The following KCNH7 variants were observed in gnomAD, a reference collection of about 807,000 sequenced individuals.
The protein encoded by KCNH7 is voltage-gated inwardly rectifying potassium channel KCNH7.
KCNH7 carries 49 observed loss-of-function variants against 120.8 expected under a neutral mutation model. The observed-to-expected ratio is 0.41, with a 90% CI of 0.32 to 0.51. KCNH7 has a LOEUF of 0.51. KCNH7 is among the 20% of genes least tolerant of loss of function. The probability of loss-of-function intolerance (pLI) is 0.38; values close to 1 mark genes in which losing one functional copy is unlikely to be tolerated. For missense variants in KCNH7, 1,097 were observed against 1,446.6 expected (o/e 0.76, Z 3.92); for synonymous variants, 547 against 516.1 (o/e 1.06, Z -0.81).
chr2:162,546,688 A>G (rs1397556260), intron 2 of KCNH7, among the ~76,000 whole-genome samples: 1 of 152,186 alleles, frequency 6.6e-6, no homozygotes, highest in Non-Finnish European at 1.5e-5. Flanking sequence ...GCTTTGGAGC[A>G]GGGAGTTACA....
chr2:162,729,412 T>G (rs1687642422), intron 2 of KCNH7, among the ~76,000 whole-genome samples: 1 of 138,216 alleles, frequency 7.2e-6, no homozygotes. Context: ...TTTGTTTTTC[T>G]TTTTTTCTTT....
intron 2 of KCNH7, among the ~76,000 whole-genome samples, chr2:162,651,151 T>C (rs921041097): frequency 1.6e-4 from 25 of 152,220 alleles, no homozygotes; most frequent in African/African-American, 5.3e-4. Context: ...TTCTGAAATA[T>C]GGATACTATA....
intron 9 of KCNH7, among the ~76,000 whole-genome samples, chr2:162,407,843 GAGGTAC>G (rs2105458632): frequency 6.6e-6 from 1 of 152,138 alleles, no homozygotes; most frequent in South Asian, 2.1e-4. Flanking sequence ...AAGGAAAAAG[GAGGTAC>G]AGTCTACCAG....
At chr2:162,804,005 C>T (rs1684441935) in intron 2 of KCNH7, among the ~76,000 whole-genome samples, 1 of 151,742 alleles carries the variant, frequency 6.6e-6, no homozygotes, top group Admixed American at 6.6e-5. Context: ...GTATATCTGA[C>T]ACCATTAGTA....
chr2:162,645,990 T>C (rs920902514), intron 2 of KCNH7, among the ~76,000 whole-genome samples: 3 of 152,106 alleles, frequency 2.0e-5, no homozygotes, highest in Non-Finnish European at 4.4e-5. Context: ...CATAAATGAG[T>C]GGTTTCCAAA....
rs187157792 is a variant in KCNH7 at position 162,625,103 on chromosome 2, G to C, written c.308-88023C>G. ...GTAGAGATGGGGTATTTCCATGTTG[G>C]TCAGGTTGGTCCCGAACTCCCGACC... On this transcript the variant is annotated intron_variant, in intron 2 of 15. Transcript: ENST00000332142. Among the ~76,000 whole-genome samples the C allele has an allele frequency of 2.8e-4, 43 of 151,880 alleles. 1 individual carries two copies. In the East Asian group the frequency reaches 6.4e-3, roughly 23 times the overall value.
intron 2 of KCNH7, among the ~76,000 whole-genome samples, chr2:162,763,766 TG>T (rs1689046458): frequency 1.4e-5 from 2 of 146,312 alleles, no homozygotes; most frequent in Admixed American, 6.9e-5. Flanking sequence ...TGTGTGTGTG[TG>T]TGTGTTTTGC....
At chr2:162,598,673 A>C (rs1694455414) in intron 2 of KCNH7, among the ~76,000 whole-genome samples, 1 of 152,164 alleles carries the variant, frequency 6.6e-6, no homozygotes, top group African/African-American at 2.4e-5. Flanking sequence ...CCATTGTTAC[A>C]TTGAATATGC....
chr2:162,611,182 T>A (rs557672783), intron 2 of KCNH7, among the ~76,000 whole-genome samples: 3 of 152,144 alleles, frequency 2.0e-5, no homozygotes, highest in African/African-American at 7.2e-5. Context: ...CTGGGTGGCA[T>A]TGGTGTGGAC....
intron 7 of KCNH7, among the ~76,000 whole-genome samples, chr2:162,444,392 A>G (rs1198592663): frequency 6.6e-6 from 1 of 152,164 alleles, no homozygotes; most frequent in Non-Finnish European, 1.5e-5. Context: ...ATCACTGAAC[A>G]ATTCTAGGTT....
At chr2:162,581,871 G>A (rs1054995616) in intron 2 of KCNH7, among the ~76,000 whole-genome samples, 2 of 151,860 alleles carry the variant, frequency 1.3e-5, no homozygotes, top group Non-Finnish European at 2.9e-5. Flanking sequence ...TGCTACAAAG[G>A]GACCCACCCA....
chr2:162,772,486 C>A (rs1252285530), intron 2 of KCNH7, among the ~76,000 whole-genome samples: 2 of 152,078 alleles, frequency 1.3e-5, no homozygotes, highest in African/African-American at 4.8e-5. Flanking sequence ...TTTCTTTTTG[C>A]TCCAATTAAT....
intron 9 of KCNH7, among the ~76,000 whole-genome samples, chr2:162,421,765 G>A (rs767992688): frequency 7.2e-5 from 11 of 152,124 alleles, no homozygotes; most frequent in Non-Finnish European, 1.5e-4. Context: ...AAGGTAAATA[G>A]TTGTCACAAA....
At chr2:162,577,291 G>GTCTATCTA (rs201620270) in intron 2 of KCNH7, among the ~76,000 whole-genome samples, 8,814 of 127,184 alleles carry the variant, frequency 0.069, 489 homozygotes, top group East Asian at 0.24. Flanking sequence ...AGATCTATCT[G>GTCTATCTA]TCTATCTATC....
chr2:162,389,721 A>T (rs1440362396), intron 12 of KCNH7, among the ~76,000 whole-genome samples: 1 of 152,092 alleles, frequency 6.6e-6, no homozygotes, highest in Non-Finnish European at 1.5e-5. Context: ...CAATAGAGTA[A>T]AAAGTTTCCT....
intron 2 of KCNH7, among the ~76,000 whole-genome samples, chr2:162,702,821 T>C (rs895141744): frequency 7.2e-5 from 11 of 152,164 alleles, no homozygotes; most frequent in Admixed American, 2.6e-4. Flanking sequence ...AGTTTACCTC[T>C]TCCAGGTAAA....
At chr2:162,577,354 T>C (rs1196846281) in intron 2 of KCNH7, among the ~76,000 whole-genome samples, 2,415 of 62,518 alleles carry the variant, frequency 0.039, 32 homozygotes, top group Non-Finnish European at 0.051. Context: ...CCATCCTATC[T>C]ATCTATCTAT....
At chr2:162,818,778 T>C (rs534381392) in intron 2 of KCNH7, among the ~76,000 whole-genome samples, 13 of 152,212 alleles carry the variant, frequency 8.5e-5, no homozygotes, top group Non-Finnish European at 1.8e-4. Context: ...ATTCTATTGG[T>C]GCTATTTACA....
intron 4 of KCNH7, among the ~76,000 whole-genome samples, chr2:162,513,819 A>C (rs1691193267): frequency 6.6e-6 from 1 of 151,848 alleles, no homozygotes; most frequent in Admixed American, 6.6e-5. Context: ...AAAAAATGTA[A>C]ACATTTTTGT....
Sources: gnomAD v4.1 joint callset for allele counts (sites outside exome capture counted in the v4.1 genomes callset) on GRCh38, gnomAD v4.1.1 for gene constraint, MANE v1.5 for transcripts, NCBI Gene and HGNC (gene_info 2026-07-23, HGNC 2026-07-21) for gene names.